Variants in NELL2 observed in about 807,000 individuals in gnomAD.
The protein encoded by NELL2 is protein kinase C-binding protein NELL2.
NELL2 carries 41 observed loss-of-function variants against 109.6 expected under a neutral mutation model. The observed-to-expected ratio is 0.37, with a 90% CI of 0.29 to 0.49. NELL2 has a LOEUF of 0.49. NELL2 is among the 20% of genes least tolerant of loss of function. The probability of loss-of-function intolerance (pLI) is 0.98; values close to 1 mark genes in which losing one functional copy is unlikely to be tolerated. For missense variants in NELL2, 900 were observed against 1,008.3 expected (o/e 0.89, Z 1.45); for synonymous variants, 355 against 344.7 (o/e 1.03, Z -0.33).
chr12:44,663,420 G>C (rs1452376257), intron 13 of NELL2, among the ~76,000 whole-genome samples: 1 of 152,156 alleles, frequency 6.6e-6, no homozygotes, highest in Non-Finnish European at 1.5e-5. Flanking sequence ...AGAAATAGTG[G>C]TGTTAGTTGA....
At chr12:44,751,345 C>G (rs904840714) in intron 9 of NELL2, among the ~76,000 whole-genome samples, 3 of 151,930 alleles carry the variant, frequency 2.0e-5, no homozygotes, top group Admixed American at 2.0e-4. Context: ...GAAATGATGG[C>G]CTTAAGGGAG....
chr12:44,738,115 A>G (rs1181502486), intron 9 of NELL2, among the ~76,000 whole-genome samples: 1 of 152,174 alleles, frequency 6.6e-6, no homozygotes. Flanking sequence ...GCACTTGAAC[A>G]TATCTCTAAC....
chr12:44,617,584 T>C (rs985875798), intron 13 of NELL2, among the ~76,000 whole-genome samples: 7 of 127,570 alleles, frequency 5.5e-5, no homozygotes, highest in Admixed American at 1.5e-4. Context: ...CCCAGCTACT[T>C]GGGAGGCTGA....
rs145221192 is a variant in NELL2 at position 44,530,690 on chromosome 12, G to T, written c.1804+1891C>A. ...TGCTTTAGGGGAAGCAAGCTCCCAC[G>T]CCTTGAGGAGTGGCCCATGTATTAA... is the stretch of plus-strand genomic sequence containing the variant. On this transcript the variant is annotated intron_variant, in intron 16 of 19. Transcript: ENST00000429094. Among the ~76,000 whole-genome samples, 513 of 152,264 alleles carry T rather than the reference G, an allele frequency of 3.4e-3. 1 individual carries two copies. The highest frequency in any genetic ancestry group is 0.011 in the African/African-American group (471 of 41,546).
rs1416389297 is a variant in NELL2, at chr12:44,787,294, A to G, written c.336-7272T>C. Among the ~76,000 whole-genome samples, 3 of 152,190 alleles carry G rather than the reference A, an allele frequency of 2.0e-5. No individual in the cohort carries two copies. In the East Asian group the frequency reaches 5.8e-4, roughly 29 times the overall value. On this transcript the variant is annotated intron_variant, in intron 3 of 19. Coordinates refer to ENST00000429094, the MANE Select transcript of NELL2 (RefSeq NM_001145108.2). ...TCAAAGATCTAAATTATGAATAAAT[A>G]TACCATATGCATAAATTGGAAGACT...
At chr12:44,608,836 A>C (rs1945502384) in intron 14 of NELL2, among the ~76,000 whole-genome samples, 1 of 151,590 alleles carries the variant, frequency 6.6e-6, no homozygotes, top group South Asian at 2.1e-4. Flanking sequence ...TTGGAAATGC[A>C]TTTCAAGATC....
intron 15 of NELL2, among the ~76,000 whole-genome samples, chr12:44,586,197 A>G (rs1396628429): frequency 6.7e-6 from 1 of 148,402 alleles, no homozygotes; most frequent in African/African-American, 2.4e-5. Flanking sequence ...AGATATATAC[A>G]TATATTTATA....
At position 44,875,329 on chromosome 12, in the gene NELL2, G is replaced by C; in HGVS notation, c.80C>G (p.Ser27Cys). 1 of 1,614,152 alleles carries C rather than the reference G, an allele frequency of 6.2e-7. No homozygotes were observed. The highest frequency in any genetic ancestry group is 8.5e-7 in the Non-Finnish European group (1 of 1,180,038). ...CTCTGTTAAGACGTCAATCTGTAGG[G>C]AAGGGTCCACACCAAGCCCCCAAAC... ...GAVWGLGVDP[S>C]LQIDVLTELE... is the part of the protein sequence containing the mutation. The change falls in exon 2 of 20, where the codon TCC becomes TGC. Residue 27 changes from serine to cysteine, a missense_variant. Physicochemically the swap from Ser to Cys is moderately radical, Grantham distance 112. Transcript: ENST00000429094.
chr12:44,596,670 AG>A (rs1218249455), intron 15 of NELL2, among the ~76,000 whole-genome samples: 3 of 152,144 alleles, frequency 2.0e-5, no homozygotes, highest in African/African-American at 7.2e-5. Flanking sequence ...CCTGGCCTCA[AG>A]TGATCCTCCA....
At chr12:44,576,294 A>G (rs1159811548) in intron 15 of NELL2, among the ~76,000 whole-genome samples, 1 of 152,208 alleles carries the variant, frequency 6.6e-6, no homozygotes, top group Non-Finnish European at 1.5e-5. Context: ...TCGCAGTCAT[A>G]TCTGCAAATT....
rs552583027 is a variant in NELL2, at chr12:44,861,889, C to T, written c.184+13336G>A. ...TGGTGAAGAGCTTTCCCAGACAAAG[C>T]CAGTCTGCAAAGACTAGAATAAGTC... On this transcript the variant is annotated intron_variant, in intron 2 of 19. Transcript: ENST00000429094. Among the ~76,000 whole-genome samples the T allele has an allele frequency of 2.0e-5, 3 of 152,332 alleles. No homozygotes were observed. The East Asian group carries it at 5.8e-4, about 29-fold the overall frequency.
At chr12:44,891,989 A>G (rs1945540035) in intron 1 of NELL2, among the ~76,000 whole-genome samples, 1 of 152,228 alleles carries the variant, frequency 6.6e-6, no homozygotes, top group Admixed American at 6.5e-5. Flanking sequence ...CAGTAATGAA[A>G]TGAGCCTATT....
chr12:44,900,445 A>G (rs1326905656), intron 1 of NELL2, among the ~76,000 whole-genome samples: 1 of 152,262 alleles, frequency 6.6e-6, no homozygotes, highest in Non-Finnish European at 1.5e-5. Flanking sequence ...ATTAGAACTC[A>G]GGAGTAAGAA....
At position 44,876,283 on chromosome 12, in the gene NELL2, G is replaced by C. The variant is rs1038782516; in HGVS notation, c.-414C>G. ...GGCCCCGCACCCCCCCGTCTTCCCC[G>C]CCGCCCGAACCTGTTGTAAAGGCAG... On this transcript the variant is annotated 5_prime_UTR_variant, in exon 1 of 20. Coordinates refer to ENST00000429094, the MANE Select transcript of NELL2 (RefSeq NM_001145108.2). 22 of 1,144,430 alleles carry C rather than the reference G, an allele frequency of 1.9e-5. No homozygotes were observed. The African/African-American group carries it at 3.4e-4, about 17-fold the overall frequency. The allele number at this position is 1,144,430 out of a possible 1,614,324, so 70.9% of individuals were successfully genotyped here.
intron 15 of NELL2, among the ~76,000 whole-genome samples, chr12:44,535,965 C>G (rs1254055434): frequency 2.0e-5 from 3 of 151,836 alleles, no homozygotes; most frequent in Non-Finnish European, 4.4e-5. Flanking sequence ...TATATACTTG[C>G]TATCATTTAG....
At chr12:44,776,991 G>T in intron 7 of NELL2, 51 bp downstream of exon 7, 2 of 1,472,458 alleles carry the variant, frequency 1.4e-6, no homozygotes, top group South Asian at 1.1e-5. Context: ...GAAGTATTGG[G>T]AACATCAAGG....
At chr12:44,701,147 GTT>G (rs1432741967) in intron 12 of NELL2, among the ~76,000 whole-genome samples, 1 of 151,864 alleles carries the variant, frequency 6.6e-6, no homozygotes, top group Non-Finnish European at 1.5e-5. Flanking sequence ...CATCCTCAAA[GTT>G]AGCAACCATG....
chr12:44,528,007 T>A (rs1165815771), intron 16 of NELL2, among the ~76,000 whole-genome samples: 2 of 139,132 alleles, frequency 1.4e-5, no homozygotes, highest in African/African-American at 5.4e-5. Context: ...GGCAGGAGAA[T>A]GGCGTGAACC....
At chr12:44,537,463 T>A (rs1480516616) in intron 15 of NELL2, among the ~76,000 whole-genome samples, 1 of 152,128 alleles carries the variant, frequency 6.6e-6, no homozygotes, top group African/African-American at 2.4e-5. Flanking sequence ...ATCTCTTTTT[T>A]TTGGATGAGT....
Sources: allele counts gnomAD v4.1 joint callset (sites outside exome capture counted in the v4.1 genomes callset), GRCh38; gene constraint gnomAD v4.1.1; transcripts MANE v1.5; gene names NCBI Gene and HGNC (gene_info 2026-07-23, HGNC 2026-07-21).